The following CTNNA2 variants were observed in gnomAD, a reference collection of about 807,000 sequenced individuals.
CTNNA2 encodes catenin alpha 2.
In CTNNA2, 42 loss-of-function variants were observed where a neutral mutation model predicts 101.0. That is an observed-to-expected ratio of 0.42 (90% CI 0.32 to 0.54). The LOEUF (loss-of-function observed/expected upper bound fraction) is 0.54. CTNNA2 is among the 20% of genes least tolerant of loss of function. CTNNA2 has a pLI of 0.14. For missense variants in CTNNA2, 871 were observed against 1,223.1 expected, an observed-to-expected ratio of 0.71 and a Z score of 4.29; for synonymous variants, 450 against 456.4, an observed-to-expected ratio of 0.99 and a Z score of 0.18.
chr2:79,565,858 G>C (rs1675079063), intron 1 of CTNNA2, among the ~76,000 whole-genome samples: 4 of 152,012 alleles, frequency 2.6e-5, no homozygotes, highest in Admixed American at 2.6e-4. Flanking sequence ...TAGGTTTATT[G>C]ATGCATAAAT....
At chr2:79,944,859 T>C (rs1295633039) in intron 7 of CTNNA2, among the ~76,000 whole-genome samples, 5 of 151,632 alleles carry the variant, frequency 3.3e-5, no homozygotes, top group Admixed American at 1.3e-4. Context: ...ATTAAGCCTG[T>C]TAAGGTTCAT....
chr2:79,868,019 T>G (rs1682275317), intron 4 of CTNNA2, among the ~76,000 whole-genome samples: 1 of 152,200 alleles, frequency 6.6e-6, no homozygotes, highest in African/African-American at 2.4e-5. Context: ...CTCTTTAAAC[T>G]ATAACAATGT....
chr2:80,642,073 A>G (rs1673558137), intron 18 of CTNNA2, among the ~76,000 whole-genome samples: 2 of 152,260 alleles, frequency 1.3e-5, no homozygotes, highest in East Asian at 3.9e-4. Flanking sequence ...CAAACTCGGT[A>G]TGTCCAAAGT....
chr2:80,577,458 C>A (rs942252623), intron 13 of CTNNA2, among the ~76,000 whole-genome samples: 3 of 152,066 alleles, frequency 2.0e-5, no homozygotes, highest in African/African-American at 7.2e-5. Flanking sequence ...AGGAACTTGA[C>A]CTAGAGACCT....
intron 7 of CTNNA2, among the ~76,000 whole-genome samples, chr2:80,197,263 T>A (rs529534529): frequency 6.6e-6 from 1 of 152,296 alleles, no homozygotes; most frequent in East Asian, 1.9e-4. Flanking sequence ...GATACCCAAA[T>A]CTTAGCAAAT....
At chr2:79,596,269 T>A (rs1469651893) in intron 1 of CTNNA2, among the ~76,000 whole-genome samples, 1 of 151,958 alleles carries the variant, frequency 6.6e-6, no homozygotes, top group African/African-American at 2.4e-5. Context: ...ACTAAGTATT[T>A]TAGAAAGTTA....
chr2:80,098,936 C>T (rs1050680365), intron 7 of CTNNA2, among the ~76,000 whole-genome samples: 1 of 152,090 alleles, frequency 6.6e-6, no homozygotes, highest in African/African-American at 2.4e-5. Context: ...AGGGAATTCC[C>T]TGACCCCTTG....
intron 7 of CTNNA2, among the ~76,000 whole-genome samples, chr2:80,197,816 C>A (rs1558894306): frequency 6.6e-6 from 1 of 152,158 alleles, no homozygotes; most frequent in Non-Finnish European, 1.5e-5. Context: ...TCCATACTTG[C>A]TTTTTGTAGC....
chr2:79,345,099 G>GTT (rs1400346592), intron 3 of CTNNA2, among the ~76,000 whole-genome samples: 608 of 47,494 alleles, frequency 0.013, 6 homozygotes, highest in African/African-American at 0.032. Context: ...TATGGAATGT[G>GTT]TTTTTTTTTA....
At chr2:80,407,575 C>T (rs1679181561) in intron 8 of CTNNA2, among the ~76,000 whole-genome samples, 1 of 152,198 alleles carries the variant, frequency 6.6e-6, no homozygotes, top group Non-Finnish European at 1.5e-5. Flanking sequence ...TGTTACCTGG[C>T]CCTTTACAGC....
intron 14 of CTNNA2, among the ~76,000 whole-genome samples, chr2:80,585,927 G>C (rs1331255137): frequency 3.9e-5 from 6 of 152,126 alleles, no homozygotes; most frequent in Non-Finnish European, 8.8e-5. Flanking sequence ...TTTCACCCAA[G>C]TCACACACCA....
Position 80,090,859 on chromosome 2 carries a change from A to G in CTNNA2, c.1056+181062A>G, listed in dbSNP as rs920380892. ...GATTCTAGTTTTTATATGTAGCTCT[A>G]TCTTTAAGATGCTCTTTCTCATTTT... is the stretch of plus-strand genomic sequence containing the variant. On this transcript the variant is annotated intron_variant, in intron 7 of 18. Coordinates refer to ENST00000402739, the MANE Select transcript of CTNNA2 (RefSeq NM_001282597.3). Among the ~76,000 whole-genome samples, 4 of 152,092 alleles carry G rather than the reference A, an allele frequency of 2.6e-5. No individual in the cohort carries two copies. The East Asian group carries it at 7.7e-4, about 29-fold the overall frequency.
At chr2:79,993,027 C>T (rs1214036227) in intron 7 of CTNNA2, among the ~76,000 whole-genome samples, 1 of 152,078 alleles carries the variant, frequency 6.6e-6, no homozygotes. Context: ...TTTGATTCTC[C>T]CCATCTACCA....
In CTNNA2 at chr2:79,947,161, TTAAAA is replaced by T. The variant is rs775698280; in HGVS notation, c.1056+37369_1056+37373del. Among the ~76,000 whole-genome samples the T allele has an allele frequency of 2.6e-5, 4 of 152,340 alleles. No individual in the cohort carries two copies. In the East Asian group the frequency reaches 5.8e-4, roughly 22 times the overall value. On this transcript the variant is annotated intron_variant, in intron 7 of 18. Transcript: ENST00000402739. ...AAATTCTGGGATCATATTTAGTATGTTAAAATAAATTGCAATAATTCAGGAAAACA... is the reference window on the plus strand; with the variant it reads ...AAATTCTGGGATCATATTTAGTATGTTAAATTGCAATAATTCAGGAAAACA...
chr2:80,080,937 A>AT (rs1297777859), intron 7 of CTNNA2, among the ~76,000 whole-genome samples: 19 of 132,278 alleles, frequency 1.4e-4, no homozygotes, highest in Non-Finnish European at 2.6e-4. Context: ...AGGCGCACAC[A>AT]TTCTCCCACT....
chr2:79,488,551 AG>A (rs2104562674), intron 4 of CTNNA2, among the ~76,000 whole-genome samples: 1 of 152,248 alleles, frequency 6.6e-6, no homozygotes, highest in African/African-American at 2.4e-5. Context: ...CATTTAACTG[AG>A]TAACTGAGTA....
intron 4 of CTNNA2, among the ~76,000 whole-genome samples, chr2:79,860,392 G>A (rs1681498054): frequency 6.6e-6 from 1 of 152,028 alleles, no homozygotes; most frequent in South Asian, 2.1e-4. Flanking sequence ...GATAAATCCA[G>A]GGCGATGACG....
intron 1 of CTNNA2, among the ~76,000 whole-genome samples, chr2:79,513,774 A>G (rs150391987): frequency 7.4e-4 from 112 of 152,296 alleles, no homozygotes; most frequent in African/African-American, 2.3e-3. Flanking sequence ...CATGCTGCCA[A>G]CAGCCCCCAT....
At position 79,210,088 on chromosome 2, in the gene CTNNA2, T is replaced by TTTTGTGTGTGTGTGTG. The variant is rs112984318; in HGVS notation, c.-406+12013_-406+12014insTTGTGTGTGTGTGTGT. 4.4e-4 allele frequency among the ~76,000 whole-genome samples: 64 copies of TTTTGTGTGTGTGTGTG among 144,882 alleles called. 2 individuals carry two copies. The highest frequency in any genetic ancestry group is 1.4e-3 in the African/African-American group (53 of 38,304). ...TTTGAGATTACAGAGTCAAGCTATA[T>TTTTGTGTGTGTGTGTG]TGTGTGTGTGTGTGTGTGTGTGTGT... On this transcript the variant is annotated intron_variant, in intron 2 of 21. Transcript: ENST00000466387.
Sources: allele counts gnomAD v4.1 joint callset (sites outside exome capture counted in the v4.1 genomes callset), GRCh38; gene constraint gnomAD v4.1.1; transcripts MANE v1.5; gene names NCBI Gene and HGNC (gene_info 2026-07-23, HGNC 2026-07-21).